The following CSMD1 variants were observed in gnomAD, a reference collection of about 807,000 sequenced individuals.
The protein encoded by CSMD1 is CUB and sushi domain-containing protein 1.
A neutral mutation model predicts 417.5 loss-of-function variants in CSMD1; 213 were observed. The ratio of observed to expected loss-of-function variants is 0.51; its 90% CI spans 0.46 to 0.57. The LOEUF is 0.57. Ranked by LOEUF, CSMD1 falls within the 20% of genes least tolerant of loss-of-function variation. The pLI, the probability that CSMD1 is intolerant of heterozygous loss-of-function variation, is 0.00. For synonymous variants in CSMD1, 2,862 were observed against 1,736.8 expected, an observed-to-expected ratio of 1.65 and a Z score of -16.11; for missense variants, 6,923 against 4,529.7, an observed-to-expected ratio of 1.53 and a Z score of -15.17.
intron 4 of CSMD1, among the ~76,000 whole-genome samples, chr8:4,008,607 T>C (rs897726907): frequency 1.3e-4 from 16 of 127,842 alleles, no homozygotes; most frequent in Middle Eastern, 3.7e-3. Flanking sequence ...TTTCTTTTTT[T>C]TTTTTTTTTT....
chr8:3,503,711 T>C (rs538751582), intron 10 of CSMD1, among the ~76,000 whole-genome samples: 5 of 152,312 alleles, frequency 3.3e-5, no homozygotes, highest in Admixed American at 2.0e-4. Context: ...CCCCATCCAC[T>C]GGAAAGGATT....
chr8:3,111,020 T>C (rs1253345691), intron 42 of CSMD1, among the ~76,000 whole-genome samples: 1 of 152,198 alleles, frequency 6.6e-6, no homozygotes, highest in African/African-American at 2.4e-5. Flanking sequence ...TGGAATAACC[T>C]GAAATATAGT....
chr8:4,949,466 G>A (rs1038301529), intron 1 of CSMD1, among the ~76,000 whole-genome samples: 3 of 152,118 alleles, frequency 2.0e-5, no homozygotes, highest in Non-Finnish European at 2.9e-5. Context: ...TTCAACCACT[G>A]CCTCATCTAA....
At chr8:4,214,848 C>A (rs572573010) in intron 3 of CSMD1, among the ~76,000 whole-genome samples, 2 of 152,152 alleles carry the variant, frequency 1.3e-5, no homozygotes, top group East Asian at 1.9e-4. Flanking sequence ...AAAACTATGA[C>A]CACCAGGTTT....
At chr8:4,103,752 A>G (rs1047666572) in intron 3 of CSMD1, among the ~76,000 whole-genome samples, 2 of 152,202 alleles carry the variant, frequency 1.3e-5, no homozygotes, top group African/African-American at 4.8e-5. Context: ...GGAAAAGCTG[A>G]AACTTCTTAT....
chr8:3,838,566 A>ATG lies in CSMD1; in HGVS notation c.819-84525_819-84524insCA, dbSNP rs1213776939. ...ATATGTACTCTCTGTAGATATATAT[A>ATG]GTCTCTCTATATATCTATAGTCCCT... On this transcript the variant is annotated intron_variant, in intron 5 of 69. Coordinates refer to ENST00000635120, the MANE Select transcript of CSMD1 (RefSeq NM_033225.6). Among the ~76,000 whole-genome samples the ATG allele has an allele frequency of 9.1e-5, 13 of 143,166 alleles. No individual in the cohort carries two copies. In the South Asian group the frequency reaches 2.4e-3, roughly 26 times the overall value. The allele number at this position is 143,166 out of a possible 152,430, so 93.9% of individuals were successfully genotyped here.
At chr8:3,367,009 A>C in intron 20 of CSMD1, 23 bp downstream of exon 20, 1 of 1,579,576 alleles carries the variant, frequency 6.3e-7, no homozygotes, top group East Asian at 2.2e-5. Context: ...AGAGGAGAGA[A>C]ACAGCAAACA....
intron 25 of CSMD1, 76 bp downstream of exon 25, chr8:3,307,619 G>T: frequency 2.1e-6 from 3 of 1,449,988 alleles, no homozygotes; most frequent in South Asian, 2.6e-5. Flanking sequence ...GATATTTGGT[G>T]TACCACTATC....
intron 3 of CSMD1, among the ~76,000 whole-genome samples, chr8:4,096,740 A>C (rs1320329149): frequency 6.6e-6 from 1 of 152,192 alleles, no homozygotes; most frequent in Non-Finnish European, 1.5e-5. Flanking sequence ...AATAAAAAGA[A>C]TATTGTATGA....
intron 26 of CSMD1, among the ~76,000 whole-genome samples, chr8:3,234,118 ACT>A (rs1234454870): frequency 6.6e-6 from 1 of 152,028 alleles, no homozygotes; most frequent in African/African-American, 2.4e-5. Context: ...GAGCCAAGGG[ACT>A]CTGAGAGTGG....
intron 5 of CSMD1, among the ~76,000 whole-genome samples, chr8:3,816,156 T>C (rs546030064): frequency 7.2e-5 from 11 of 152,258 alleles, no homozygotes; most frequent in South Asian, 2.1e-4. Context: ...GAAAACAAGA[T>C]TGGATAAAAA....
At chr8:3,409,705 A>C (rs1812563657) in intron 12 of CSMD1, 100 bp from the exon 13 acceptor site, 1 of 869,792 alleles carries the variant, frequency 1.1e-6, no homozygotes, top group Non-Finnish European at 1.7e-6. Flanking sequence ...TTTTTGCTGA[A>C]CTAAACATCA....
intron 5 of CSMD1, among the ~76,000 whole-genome samples, chr8:3,791,180 T>C (rs1799719344): frequency 6.6e-6 from 1 of 152,218 alleles, no homozygotes; most frequent in Non-Finnish European, 1.5e-5. Context: ...TAGGAGCATT[T>C]AGATGTGTTT....
intron 11 of CSMD1, among the ~76,000 whole-genome samples, chr8:3,492,930 G>C (rs981118899): frequency 3.3e-5 from 5 of 152,070 alleles, no homozygotes; most frequent in Admixed American, 2.0e-4. Flanking sequence ...TCCCAGACTA[G>C]AAAGCATCTG....
chr8:2,966,102 T>C (rs1803930614), intron 58 of CSMD1, 148 bp from the exon 59 acceptor site: 2 of 680,582 alleles, frequency 2.9e-6, no homozygotes, highest in African/African-American at 3.6e-5. Context: ...CTCTGTGTGA[T>C]GATTTCACTG....
intron 10 of CSMD1, among the ~76,000 whole-genome samples, chr8:3,500,108 G>A (rs1796535711): frequency 6.6e-6 from 1 of 152,060 alleles, no homozygotes; most frequent in Non-Finnish European, 1.5e-5. Flanking sequence ...TTTTGGCACT[G>A]AACGGATCCT....
chr8:4,586,544 T>C (rs1799709704), intron 2 of CSMD1, among the ~76,000 whole-genome samples: 1 of 152,104 alleles, frequency 6.6e-6, no homozygotes, highest in Non-Finnish European at 1.5e-5. Context: ...AAAATCAATG[T>C]TTTTATGGAC....
intron 5 of CSMD1, among the ~76,000 whole-genome samples, chr8:3,852,697 T>A (rs957047498): frequency 9.2e-5 from 14 of 152,096 alleles, no homozygotes; most frequent in East Asian, 3.9e-4. Context: ...GAGGAGCCTT[T>A]GGAGGCTGTG....
intron 1 of CSMD1, among the ~76,000 whole-genome samples, chr8:4,668,414 C>CTATTATTATTAT (rs1563103607): frequency 8.1e-6 from 1 of 123,198 alleles, no homozygotes; most frequent in African/African-American, 3.1e-5. Flanking sequence ...TTGATGTTTT[C>CTATTATTATTAT]CATTATTATT....
Sources: gnomAD v4.1 joint callset for allele counts (sites outside exome capture counted in the v4.1 genomes callset) on GRCh38, gnomAD v4.1.1 for gene constraint, MANE v1.5 for transcripts, NCBI Gene and HGNC (gene_info 2026-07-23, HGNC 2026-07-21) for gene names.